The following NAALADL2 variants were observed in gnomAD, a reference collection of about 807,000 sequenced individuals.
The protein encoded by NAALADL2 is inactive N-acetylated-alpha-linked acidic dipeptidase-like protein 2.
A neutral mutation model predicts 87.2 loss-of-function variants in NAALADL2; 76 were observed. That is an observed-to-expected ratio of 0.87 (90% CI 0.72 to 1.05). NAALADL2 has a LOEUF of 1.05. Among genes scored for constraint, NAALADL2 ranks in the 50% least tolerant of loss-of-function variants. The pLI is 0.00. For missense variants in NAALADL2, 1,089 were observed against 945.8 expected (o/e 1.15, Z -1.99); for synonymous variants, 354 against 331.0 (o/e 1.07, Z -0.75).
chr3:175,573,380 A>G (rs533579626), intron 9 of NAALADL2, among the ~76,000 whole-genome samples: 2 of 152,362 alleles, frequency 1.3e-5, no homozygotes, highest in East Asian at 3.9e-4. Context: ...AGTAAAGACC[A>G]GATCTTATCA....
intron 1 of NAALADL2, among the ~76,000 whole-genome samples, chr3:175,072,664 T>C (rs1041030783): frequency 2.5e-4 from 31 of 122,364 alleles, no homozygotes; most frequent in African/African-American, 9.9e-4. Context: ...AGTATAACTA[T>C]ATCCTAGGTT....
At chr3:175,061,769 A>C (rs1415790950) in intron 1 of NAALADL2, among the ~76,000 whole-genome samples, 1 of 149,542 alleles carries the variant, frequency 6.7e-6, no homozygotes, top group African/African-American at 2.4e-5. Context: ...ATACACCACA[A>C]AATTATATAT....
At chr3:175,255,016 T>C (rs762465214) in intron 3 of NAALADL2, among the ~76,000 whole-genome samples, 14 of 152,198 alleles carry the variant, frequency 9.2e-5, no homozygotes, top group Admixed American at 2.0e-4. Flanking sequence ...TATGGGTATG[T>C]AATGGGCTCT....
At chr3:174,677,202 T>C (rs911463726) in intron 2 of NAALADL2, among the ~76,000 whole-genome samples, 4 of 151,744 alleles carry the variant, frequency 2.6e-5, no homozygotes, top group African/African-American at 9.7e-5. Context: ...ATTTGACACA[T>C]ATGTTTGTGA....
At chr3:174,935,258 A>G (rs1234992392) in intron 1 of NAALADL2, among the ~76,000 whole-genome samples, 3 of 152,184 alleles carry the variant, frequency 2.0e-5, no homozygotes, top group Admixed American at 1.3e-4. Context: ...ATGAGGAACT[A>G]TCTTGCGTTT....
chr3:175,580,121 G>C (rs947557843), intron 10 of NAALADL2, among the ~76,000 whole-genome samples: 1 of 151,864 alleles, frequency 6.6e-6, no homozygotes, highest in African/African-American at 2.4e-5. Flanking sequence ...AATAACCCAG[G>C]GACAGAAATT....
intron 1 of NAALADL2, among the ~76,000 whole-genome samples, chr3:174,973,484 A>T (rs1209425981): frequency 1.3e-5 from 2 of 152,132 alleles, no homozygotes; most frequent in African/African-American, 4.8e-5. Context: ...TATAGCTCTA[A>T]TTGATATTTG....
chr3:174,493,968 T>C (rs888825903), intron 1 of NAALADL2, among the ~76,000 whole-genome samples: 1 of 152,112 alleles, frequency 6.6e-6, no homozygotes, highest in South Asian at 2.1e-4. Flanking sequence ...CAACTTCATA[T>C]GTGTCTGACA....
chr3:175,143,231 C>G lies in NAALADL2; in HGVS notation c.545+45940C>G, dbSNP rs1730265115. ...ATGCATAGTATCTAATAGTGTCCATCTTGCAGTTCGTTCGCAATATATTTC... is the reference window on the plus strand; with the variant it reads ...ATGCATAGTATCTAATAGTGTCCATGTTGCAGTTCGTTCGCAATATATTTC... On this transcript the variant is annotated intron_variant, in intron 2 of 13. Transcript: ENST00000454872. 2.6e-5 allele frequency among the ~76,000 whole-genome samples: 4 copies of G among 151,944 alleles called. 1 individual carries two copies. In the South Asian group the frequency reaches 8.3e-4, roughly 31 times the overall value.
intron 2 of NAALADL2, among the ~76,000 whole-genome samples, chr3:175,168,755 C>G (rs779695150): frequency 3.3e-5 from 5 of 151,564 alleles, no homozygotes; most frequent in Non-Finnish European, 7.4e-5. Flanking sequence ...CAATTCAGGC[C>G]AATTTGTTTT....
chr3:175,370,786 G>A (rs749392987), intron 5 of NAALADL2, among the ~76,000 whole-genome samples: 8 of 152,074 alleles, frequency 5.3e-5, no homozygotes, highest in African/African-American at 1.2e-4. Flanking sequence ...TATAAACACC[G>A]TAGTAACTTT....
intron 1 of NAALADL2, among the ~76,000 whole-genome samples, chr3:174,468,558 T>C (rs1011383469): frequency 3.3e-5 from 5 of 151,456 alleles, no homozygotes; most frequent in Admixed American, 3.3e-4. Flanking sequence ...TTTTTTTACT[T>C]TTAGTAGAGA....
At chr3:174,506,046 G>A (rs2108378831) in intron 1 of NAALADL2, among the ~76,000 whole-genome samples, 1 of 152,224 alleles carries the variant, frequency 6.6e-6, no homozygotes, top group Admixed American at 6.5e-5. Flanking sequence ...TGTTTAGAGA[G>A]GGGAGGAGAT....
At chr3:175,377,709 T>A (rs533792454) in intron 5 of NAALADL2, among the ~76,000 whole-genome samples, 8 of 152,154 alleles carry the variant, frequency 5.3e-5, no homozygotes, top group Non-Finnish European at 1.0e-4. Flanking sequence ...CACCCCATCC[T>A]GTGTCTATAA....
chr3:175,725,848 C>A (rs1457036724), intron 11 of NAALADL2, among the ~76,000 whole-genome samples: 1 of 151,984 alleles, frequency 6.6e-6, no homozygotes, highest in East Asian at 1.9e-4. Context: ...TAGAATAATG[C>A]CTGGCATATG....
At chr3:174,823,838 G>A (rs1330896614) in intron 3 of NAALADL2, among the ~76,000 whole-genome samples, 2 of 152,154 alleles carry the variant, frequency 1.3e-5, no homozygotes, top group African/African-American at 4.8e-5. Flanking sequence ...AGCCTCCCGA[G>A]TAGCTGGGAC....
intron 2 of NAALADL2, among the ~76,000 whole-genome samples, chr3:174,609,773 T>G (rs528246965): frequency 1.9e-4 from 29 of 152,234 alleles, no homozygotes; most frequent in African/African-American, 6.5e-4. Flanking sequence ...TCATCCCCAT[T>G]AAGCTACCAA....
chr3:174,481,611 G>T (rs1463248287), intron 1 of NAALADL2, among the ~76,000 whole-genome samples: 1 of 152,052 alleles, frequency 6.6e-6, no homozygotes, highest in East Asian at 1.9e-4. Flanking sequence ...TTGATGACTT[G>T]CTAGGAGGAA....
chr3:175,038,014 C>T (rs1041098150), intron 1 of NAALADL2, among the ~76,000 whole-genome samples: 13 of 152,074 alleles, frequency 8.5e-5, no homozygotes, highest in African/African-American at 3.1e-4. Flanking sequence ...TAGTGATTAT[C>T]AGAAATTGTA....
Sources: allele counts gnomAD v4.1 joint callset (sites outside exome capture counted in the v4.1 genomes callset), GRCh38; gene constraint gnomAD v4.1.1; transcripts MANE v1.5; gene names NCBI Gene and HGNC (gene_info 2026-07-23, HGNC 2026-07-21).